The following PPP1R9A variants were observed in gnomAD, a reference collection of about 807,000 sequenced individuals.
PPP1R9A encodes the protein protein phosphatase 1 regulatory subunit 9A, also known as neurabin-1.
A neutral mutation model predicts 141.9 loss-of-function variants in PPP1R9A; 59 were observed. The observed-to-expected ratio is 0.42, with a 90% confidence interval of 0.34 to 0.52. The LOEUF (loss-of-function observed/expected upper bound fraction) is 0.52, where lower values mean the gene tolerates loss of function less well. Ranked by LOEUF, PPP1R9A falls within the 20% of genes least tolerant of loss-of-function variation. PPP1R9A has a pLI of 0.10. For synonymous variants in PPP1R9A, 500 were observed against 569.7 expected (o/e 0.88, Z 1.74); for missense variants, 1,444 against 1,611.9 (o/e 0.90, Z 1.78).
Position 95,296,306 on chromosome 7 carries a change from A to G in PPP1R9A, c.*6003A>G, listed in dbSNP as rs994756602. 2 of 152,622 alleles carry G rather than the reference A, an allele frequency of 1.3e-5. No individual in the cohort carries two copies. Among genetic ancestry groups the G allele is most frequent in the Admixed American group, 1.3e-4 (2 of 15,270 alleles). The allele number at this position is 152,622 out of a possible 1,614,324, so 9.5% of individuals were successfully genotyped here. On this transcript the variant is annotated 3_prime_UTR_variant, in exon 20 of 20. Transcript: ENST00000433360. The stretch of plus-strand genomic sequence containing the variant: ...TTTGTTTTCTGACCAATCTAACAAT[A>G]CCTGTGATTAAATTTAATTTGTTAG...
chr7:95,070,800 G>C (rs950772338), intron 2 of PPP1R9A, among the ~76,000 whole-genome samples: 3 of 151,280 alleles, frequency 2.0e-5, no homozygotes, highest in Non-Finnish European at 3.0e-5. Context: ...CTACTTTATA[G>C]GTATTTAGTA....
At chr7:95,187,180 A>G (rs1424844380) in intron 5 of PPP1R9A, among the ~76,000 whole-genome samples, 1 of 151,960 alleles carries the variant, frequency 6.6e-6, no homozygotes, top group Non-Finnish European at 1.5e-5. Flanking sequence ...TAAAATTACT[A>G]TTTCAATCTT....
chr7:94,956,327 C>A (rs901998910), intron 2 of PPP1R9A, among the ~76,000 whole-genome samples: 1 of 152,022 alleles, frequency 6.6e-6, no homozygotes, highest in East Asian at 1.9e-4. Flanking sequence ...TAAACAAAAA[C>A]CTGCGTGCCA....
At chr7:94,984,378 A>G (rs921143262) in intron 2 of PPP1R9A, among the ~76,000 whole-genome samples, 3 of 151,898 alleles carry the variant, frequency 2.0e-5, no homozygotes, top group African/African-American at 7.3e-5. Context: ...CTCTTTTTCT[A>G]TTGATTGGAA....
At chr7:94,945,965 A>C in intron 2 of PPP1R9A, among the ~76,000 whole-genome samples, 1 of 152,132 alleles carries the variant, frequency 6.6e-6, no homozygotes, top group Non-Finnish European at 1.5e-5. Flanking sequence ...AAGAGATTCC[A>C]AAAAAGTTCA....
chr7:95,111,467 CT>C (rs549307170), intron 3 of PPP1R9A, 76 bp downstream of exon 3: 3 of 1,360,846 alleles, frequency 2.2e-6, no homozygotes, highest in Non-Finnish European at 3.0e-6. Context: ...AAAATGTAGC[CT>C]TTTTTCTAAG....
At chr7:95,016,069 A>G (rs1303403291) in intron 2 of PPP1R9A, among the ~76,000 whole-genome samples, 1 of 152,080 alleles carries the variant, frequency 6.6e-6, no homozygotes, top group African/African-American at 2.4e-5. Context: ...AAAGAATAAG[A>G]AAGAAAATCT....
intron 2 of PPP1R9A, among the ~76,000 whole-genome samples, chr7:95,008,210 G>C: frequency 6.6e-6 from 1 of 152,118 alleles, no homozygotes; most frequent in East Asian, 1.9e-4. Context: ...CTGAGAATCA[G>C]ATGCCTTTGG....
At chr7:94,945,247 T>G (rs1043822793) in intron 2 of PPP1R9A, among the ~76,000 whole-genome samples, 4 of 152,078 alleles carry the variant, frequency 2.6e-5, no homozygotes, top group Non-Finnish European at 2.9e-5. Flanking sequence ...TTTCTTTCCT[T>G]TTAAAAATGA....
At chr7:95,040,411 T>A (rs1032389017) in intron 2 of PPP1R9A, among the ~76,000 whole-genome samples, 4 of 151,968 alleles carry the variant, frequency 2.6e-5, no homozygotes, top group Non-Finnish European at 5.9e-5. Flanking sequence ...AGGAGTTATT[T>A]TACTTATAAG....
chr7:95,290,437 G>A lies in PPP1R9A; in HGVS notation c.*134G>A. 2 of 1,003,964 alleles carry A rather than the reference G, an allele frequency of 2.0e-6. No homozygotes were observed. The highest frequency in any genetic ancestry group is 2.6e-5 in the East Asian group (1 of 37,826). The allele number at this position is 1,003,964 out of a possible 1,614,324, so 62.2% of individuals were successfully genotyped here. The stretch of plus-strand genomic sequence containing the variant: ...GGCTCTAGGCCGGCTGAGGAACTGT[G>A]TGTTGAATAACTGCATTTTCTGCAA... On this transcript the variant is annotated 3_prime_UTR_variant, in exon 20 of 20. Coordinates refer to ENST00000433360, the MANE Select transcript of PPP1R9A (RefSeq NM_001166160.2).
intron 2 of PPP1R9A, among the ~76,000 whole-genome samples, chr7:94,923,478 A>G (rs1793096824): frequency 6.6e-6 from 1 of 152,154 alleles, no homozygotes. Flanking sequence ...TTGCTTATAT[A>G]TAATCCTTTG....
chr7:95,191,059 G>A (rs1024698855), intron 5 of PPP1R9A, among the ~76,000 whole-genome samples: 1 of 152,124 alleles, frequency 6.6e-6, no homozygotes, highest in Admixed American at 6.5e-5. Flanking sequence ...CATTTACATG[G>A]AACATGTAGA....
At chr7:94,986,235 C>T (rs1414310133) in intron 2 of PPP1R9A, among the ~76,000 whole-genome samples, 2 of 152,058 alleles carry the variant, frequency 1.3e-5, no homozygotes, top group Non-Finnish European at 1.5e-5. Flanking sequence ...TCTTCCTTTT[C>T]CAATATTCTT....
intron 18 of PPP1R9A, chr7:95,287,150 C>T (rs1805503340): frequency 6.2e-7 from 1 of 1,612,228 alleles, no homozygotes; most frequent in Non-Finnish European, 8.5e-7. Context: ...TATCAGTGGG[C>T]TGTGTGTGGT....
chr7:95,003,358 A>G (rs925139639), intron 2 of PPP1R9A, among the ~76,000 whole-genome samples: 52 of 152,246 alleles, frequency 3.4e-4, no homozygotes, highest in Admixed American at 1.8e-3. Context: ...GGGTTCTGTT[A>G]GTTGTTAGAA....
In PPP1R9A at chr7:95,212,406, C is replaced by T. The variant is rs369401936; in HGVS notation, c.1956+8676C>T. Among the ~76,000 whole-genome samples the T allele has an allele frequency of 8.2e-4, 125 of 151,984 alleles. 1 individual carries two copies. The highest frequency in any genetic ancestry group is 6.8e-3 in the Middle Eastern group (2 of 294). The stretch of plus-strand genomic sequence containing the variant: ...ATATATATATGTATTTAAAGAAAGA[C>T]CACCATTAGATCATGTAGCCTTCAG... On this transcript the variant is annotated intron_variant, in intron 7 of 19. Transcript: ENST00000433360.
chr7:95,196,091 GTA>G (rs1368813122), intron 5 of PPP1R9A, among the ~76,000 whole-genome samples: 4 of 151,728 alleles, frequency 2.6e-5, no homozygotes, highest in Admixed American at 6.6e-5. Context: ...GTGTGTGTGT[GTA>G]TGTGTATTTT....
intron 5 of PPP1R9A, among the ~76,000 whole-genome samples, chr7:95,173,528 A>G (rs368029280): frequency 7.2e-5 from 11 of 152,190 alleles, no homozygotes; most frequent in African/African-American, 2.4e-4. Flanking sequence ...GTCAAAATTT[A>G]AAACATTTGT....
Sources: gnomAD v4.1 joint callset for allele counts (sites outside exome capture counted in the v4.1 genomes callset) on GRCh38, gnomAD v4.1.1 for gene constraint, MANE v1.5 for transcripts, NCBI Gene and HGNC (gene_info 2026-07-23, HGNC 2026-07-21) for gene names.